ZCCHC7: variants seen among roughly 807,000 people sequenced by gnomAD.
The protein encoded by ZCCHC7 is zinc finger CCHC domain-containing protein 7.
A neutral mutation model predicts 52.0 loss-of-function variants in ZCCHC7; 35 were observed. The ratio of observed to expected loss-of-function variants is 0.67; its 90% CI spans 0.51 to 0.89. The LOEUF is 0.89. ZCCHC7 is among the 40% of genes least tolerant of loss of function. ZCCHC7 has a pLI of 0.00. For missense variants in ZCCHC7, 574 were observed against 649.1 expected (o/e 0.88, Z 1.26); for synonymous variants, 217 against 221.5 (o/e 0.98, Z 0.18).
intron 2 of ZCCHC7, among the ~76,000 whole-genome samples, chr9:37,212,125 TCTGGAGA>T (rs1344136428): frequency 6.7e-6 from 1 of 149,544 alleles, no homozygotes; most frequent in Non-Finnish European, 1.5e-5. Flanking sequence ...TTTGATAATG[TCTGGAGA>T]CATTTTTGAT....
chr9:37,178,512 AAAG>A (rs1822178381), intron 2 of ZCCHC7, among the ~76,000 whole-genome samples: 1 of 152,014 alleles, frequency 6.6e-6, no homozygotes, highest in Non-Finnish European at 1.5e-5. Flanking sequence ...GGAAGAATGG[AAAG>A]AAGAAAACTC....
intron 5 of ZCCHC7, among the ~76,000 whole-genome samples, chr9:37,309,919 C>G (rs62533803): frequency 6.8e-6 from 1 of 146,144 alleles, no homozygotes; most frequent in African/African-American, 2.5e-5. Context: ...GAGACTGTTT[C>G]CAAAAAAAAA....
intron 5 of ZCCHC7, among the ~76,000 whole-genome samples, chr9:37,324,349 C>T (rs529901050): frequency 6.6e-5 from 10 of 152,176 alleles, no homozygotes; most frequent in Non-Finnish European, 2.9e-5. Context: ...TAAGATTTGC[C>T]GCTAGCAGTG....
intron 2 of ZCCHC7, among the ~76,000 whole-genome samples, chr9:37,204,242 C>T (rs759700762): frequency 1.1e-4 from 16 of 152,104 alleles, no homozygotes; most frequent in Non-Finnish European, 2.1e-4. Context: ...AAAATTTTCT[C>T]CCATTCTGTA....
chr9:37,316,140 A>G (rs572859219), intron 5 of ZCCHC7, among the ~76,000 whole-genome samples: 3 of 152,030 alleles, frequency 2.0e-5, no homozygotes, highest in South Asian at 4.2e-4. Flanking sequence ...GCTCACTGCA[A>G]CTTCCACCTC....
intron 6 of ZCCHC7, among the ~76,000 whole-genome samples, chr9:37,338,366 A>T (rs1279344517): frequency 1.3e-5 from 2 of 152,256 alleles, no homozygotes; most frequent in East Asian, 1.9e-4. Context: ...TATTTACATT[A>T]CTTTAATGTA....
chr9:37,303,211 G>C (rs182059740), intron 3 of ZCCHC7, among the ~76,000 whole-genome samples: 2 of 152,094 alleles, frequency 1.3e-5, no homozygotes, highest in Non-Finnish European at 2.9e-5. Context: ...GATCACCTGA[G>C]GTCAGGAGTT....
At chr9:37,231,352 A>G (rs1224838637) in intron 2 of ZCCHC7, among the ~76,000 whole-genome samples, 1 of 152,238 alleles carries the variant, frequency 6.6e-6, no homozygotes, top group Non-Finnish European at 1.5e-5. Context: ...TAGATATTCC[A>G]TATCTTTCAG....
At chr9:37,122,578 A>G (rs780131539) in intron 1 of ZCCHC7, among the ~76,000 whole-genome samples, 2 of 152,246 alleles carry the variant, frequency 1.3e-5, no homozygotes, top group African/African-American at 4.8e-5. Context: ...TGTTAGAACC[A>G]ATGCAAATAT....
intron 2 of ZCCHC7, among the ~76,000 whole-genome samples, chr9:37,141,732 T>C (rs1843235003): frequency 6.6e-6 from 1 of 151,900 alleles, no homozygotes; most frequent in Non-Finnish European, 1.5e-5. Context: ...GTGATTTCTC[T>C]TACATTCAAT....
intron 2 of ZCCHC7, among the ~76,000 whole-genome samples, chr9:37,258,666 C>T (rs1017657488): frequency 6.3e-5 from 9 of 143,992 alleles, no homozygotes; most frequent in East Asian, 2.2e-4. Flanking sequence ...GTGGGAGGAT[C>T]GCTTGAGCCT....
chr9:37,254,903 A>G (rs181364353), intron 2 of ZCCHC7, among the ~76,000 whole-genome samples: 139 of 123,624 alleles, frequency 1.1e-3, no homozygotes, highest in African/African-American at 4.2e-3. Context: ...TCTGTAACAT[A>G]TGGTATGCAT....
intron 2 of ZCCHC7, among the ~76,000 whole-genome samples, chr9:37,166,995 A>G (rs899172063): frequency 1.3e-5 from 2 of 152,198 alleles, no homozygotes; most frequent in African/African-American, 4.8e-5. Flanking sequence ...TATCCTGCGT[A>G]AGAATGCCAT....
chr9:37,157,633 T>C (rs1260226662), intron 2 of ZCCHC7, among the ~76,000 whole-genome samples: 1 of 152,206 alleles, frequency 6.6e-6, no homozygotes, highest in Non-Finnish European at 1.5e-5. Context: ...AATGGGGTAA[T>C]GGACCTGAAC....
At chr9:37,355,573 A>C (rs549429895) in intron 8 of ZCCHC7, among the ~76,000 whole-genome samples, 97 of 152,304 alleles carry the variant, frequency 6.4e-4, no homozygotes, top group African/African-American at 1.8e-3. Context: ...GCTCCTGCAT[A>C]TTTTACATAT....
chr9:37,303,655 C>T (rs1276517958), intron 3 of ZCCHC7, among the ~76,000 whole-genome samples: 5 of 56,776 alleles, frequency 8.8e-5, no homozygotes, highest in South Asian at 8.1e-4. Context: ...TTTTCTACCT[C>T]TTTTTTTTTT....
At chr9:37,321,062 C>A (rs1830031852) in intron 5 of ZCCHC7, among the ~76,000 whole-genome samples, 1 of 145,098 alleles carries the variant, frequency 6.9e-6, no homozygotes, top group East Asian at 2.0e-4. Context: ...AATCTCGGCT[C>A]ACTGCAACTT....
chr9:37,305,811 A>T, intron 5 of ZCCHC7, 97 bp downstream of exon 5: 1 of 1,287,088 alleles, frequency 7.8e-7, no homozygotes, highest in Non-Finnish European at 1.1e-6. Context: ...CAGCATACCT[A>T]AAGGAATGTT....
intron 2 of ZCCHC7, among the ~76,000 whole-genome samples, chr9:37,227,558 C>G (rs973267788): frequency 1.3e-5 from 2 of 152,120 alleles, no homozygotes; most frequent in African/African-American, 4.8e-5. Flanking sequence ...ATATACCTTA[C>G]CATCCAACCC....
Sources: allele counts gnomAD v4.1 joint callset (sites outside exome capture counted in the v4.1 genomes callset), GRCh38; gene constraint gnomAD v4.1.1; transcripts MANE v1.5; gene names NCBI Gene and HGNC (gene_info 2026-07-23, HGNC 2026-07-21).